STARD8: variants seen among roughly 807,000 people sequenced by gnomAD.
STARD8 encodes stAR-related lipid transfer protein 8.
In STARD8, 25 loss-of-function variants were observed where a neutral mutation model predicts 69.4. The observed-to-expected ratio is 0.36, with a 90% confidence interval of 0.26 to 0.50. The LOEUF is 0.50. Ranked by LOEUF, STARD8 falls within the 20% of genes least tolerant of loss-of-function variation. STARD8 has a pLI of 0.96. For missense variants in STARD8, 921 were observed against 932.5 expected (o/e 0.99, Z 0.16); for synonymous variants, 389 against 374.6 (o/e 1.04, Z -0.45).
At chrX:68,653,516 C>T (rs1278244713) in intron 1 of STARD8, among the ~76,000 whole-genome samples, 8 of 32,355 alleles carry the variant, frequency 2.5e-4, no homozygotes, top group Non-Finnish European at 4.8e-4. Flanking sequence ...ATACACACCA[C>T]ACACACCACA....
intron 2 of STARD8, among the ~76,000 whole-genome samples, chrX:68,676,833 T>C (rs2079768353): frequency 8.9e-6 from 1 of 111,859 alleles, no homozygotes. Context: ...TTTCCAGAAA[T>C]CTTCTATTGC....
chrX:68,698,976 G>T (rs1344241436), intron 2 of STARD8, among the ~76,000 whole-genome samples: 1 of 112,146 alleles, frequency 8.9e-6, no homozygotes, highest in Non-Finnish European at 1.9e-5. Context: ...GGCTGGGTCA[G>T]TTGGAGCTGG....
At chrX:68,708,189 A>G (rs1272464495) in intron 2 of STARD8, among the ~76,000 whole-genome samples, 1 of 112,886 alleles carries the variant, frequency 8.9e-6, no homozygotes, top group African/African-American at 3.2e-5. Flanking sequence ...TCTCCACTGT[A>G]TAAATTTGGA....
intron 2 of STARD8, among the ~76,000 whole-genome samples, chrX:68,674,430 G>C (rs1176024690): frequency 9.0e-6 from 1 of 110,929 alleles, no homozygotes; most frequent in African/African-American, 3.3e-5. Context: ...AATTCTTTCT[G>C]TTCATTGGAG....
chrX:68,720,524 G>A (rs2080139126), intron 8 of STARD8, 101 bp downstream of exon 8: 4 of 983,221 alleles, frequency 4.1e-6, no homozygotes, highest in Non-Finnish European at 5.4e-6. Flanking sequence ...AACTGCTCTG[G>A]CCTTCCCCCT....
intron 1 of STARD8, among the ~76,000 whole-genome samples, chrX:68,661,840 T>C (rs1359416786): frequency 9.1e-6 from 1 of 109,759 alleles, no homozygotes; most frequent in Non-Finnish European, 1.9e-5. Context: ...ACCTTACCAC[T>C]AACTCTGGTC....
chrX:68,664,110 G>C (rs1376137951), intron 1 of STARD8, among the ~76,000 whole-genome samples: 1 of 111,901 alleles, frequency 8.9e-6, no homozygotes, highest in African/African-American at 3.3e-5. Flanking sequence ...CACATACTAT[G>C]GCAACTATTT....
chrX:68,703,571 A>G (rs2079982851), intron 2 of STARD8, among the ~76,000 whole-genome samples: 1 of 112,204 alleles, frequency 8.9e-6, no homozygotes, highest in Non-Finnish European at 1.9e-5. Flanking sequence ...CACTTCTCTC[A>G]GGCCCATTTC....
intron 2 of STARD8, among the ~76,000 whole-genome samples, chrX:68,680,830 C>A (rs927778736): frequency 1.1e-4 from 12 of 110,819 alleles, no homozygotes; most frequent in Non-Finnish European, 1.9e-4. Context: ...CTACGTGATA[C>A]AAGGGCAAGA....
chrX:68,717,367 C>A lies in STARD8; in HGVS notation c.453C>A (p.Thr151=), dbSNP rs947543. 9 of 1,205,813 alleles carry A rather than the reference C, an allele frequency of 7.5e-6. No homozygotes were observed. The highest frequency in any genetic ancestry group is 4.4e-5 in the Admixed American group (2 of 45,446). ...PATSSCESVL[T]ELSATSLPVI... is the part of the protein sequence containing the mutation. The stretch of plus-strand genomic sequence containing the variant: ...CCTCAAGCTGTGAGAGCGTCCTCAC[C>A]GAGCTTAGTGCCACCTCTCTGCCAG... The change falls in exon 6 of 15, where the codon ACC becomes ACA. Residue 151 remains threonine (T), a synonymous_variant. Coordinates refer to ENST00000374599, the MANE Select transcript of STARD8 (RefSeq NM_001142503.3).
Position 68,717,193 on chromosome X carries a change from C to T in STARD8, c.298-19C>T. 1.7e-6 allele frequency: 2 copies of T among 1,168,455 alleles called. No individual in the cohort carries two copies. Among genetic ancestry groups the T allele is most frequent in the African/African-American group, 1.8e-5 (1 of 56,684 alleles). ...GTGGCCTGGGCTTCTCTGACCTGAT[C>T]CTGCAGTGCCTTTCCCAGAATGAAG... is the stretch of plus-strand genomic sequence containing the variant. On this transcript the variant is annotated intron_variant, in intron 5 of 14. Transcript: ENST00000374599.
In STARD8 at chrX:68,718,254, C is replaced by T. The variant is rs767172637; in HGVS notation, c.1340C>T (p.Pro447Leu). 3.1e-5 allele frequency: 37 copies of T among 1,209,322 alleles called. No homozygotes were observed. The highest frequency in any genetic ancestry group is 4.4e-5 in the Admixed American group (2 of 45,804). Residue 447 changes from proline (P) to leucine (L), a missense_variant, in exon 6 of 15, where the codon CCG (proline) becomes CTG (leucine). Pro to Leu is a moderately conservative substitution (Grantham distance 98, BLOSUM62 -3). Coordinates refer to ENST00000374599, the MANE Select transcript of STARD8 (RefSeq NM_001142503.3). ...QAEALSQMEVPAHGESPAWAQ... is the reference protein window; with the variant it reads ...QAEALSQMEVLAHGESPAWAQ... The stretch of plus-strand genomic sequence containing the variant: ...GAGGCTCTCAGCCAGATGGAGGTTC[C>T]GGCCCATGGAGAGTCCCCAGCCTGG...
chrX:68,668,256 TTCTTTCTTTCTTTCTTTC>T (rs1386795106), intron 2 of STARD8, among the ~76,000 whole-genome samples: 3 of 86,405 alleles, frequency 3.5e-5, no homozygotes, highest in South Asian at 5.3e-4. Flanking sequence ...CTTTCTTTCT[TTCTTTCTTTCTTTCTTTC>T]TCTTTCTTTC....
At chrX:68,650,638 G>GA (rs986032022) in intron 1 of STARD8, among the ~76,000 whole-genome samples, 76 of 109,041 alleles carry the variant, frequency 7.0e-4, no homozygotes, top group Middle Eastern at 4.7e-3. Context: ...TGTGTCTCTA[G>GA]AAAAAAAAAT....
chrX:68,667,890 A>G (rs745383286), intron 2 of STARD8, among the ~76,000 whole-genome samples: 1 of 111,149 alleles, frequency 9.0e-6, no homozygotes, highest in Non-Finnish European at 1.9e-5. Context: ...TCATCTGTAC[A>G]TTGAGCCTGC....
chrX:68,702,826 C>T (rs1244018760), intron 2 of STARD8, among the ~76,000 whole-genome samples: 1 of 110,963 alleles, frequency 9.0e-6, no homozygotes, highest in African/African-American at 3.3e-5. Flanking sequence ...AAAGAAATGT[C>T]TGGGATATAA....
At chrX:68,653,336 C>T in intron 1 of STARD8, among the ~76,000 whole-genome samples, 1 of 56,461 alleles carries the variant, frequency 1.8e-5, no homozygotes, top group Non-Finnish European at 3.4e-5. Flanking sequence ...ACACACCCCA[C>T]ACACCACACA....
intron 2 of STARD8, among the ~76,000 whole-genome samples, chrX:68,700,435 C>T: frequency 8.9e-6 from 1 of 112,546 alleles, no homozygotes; most frequent in Non-Finnish European, 1.9e-5. Flanking sequence ...CACCCAGCAG[C>T]CATGGCAGCC....
intron 3 of STARD8, among the ~76,000 whole-genome samples, chrX:68,713,328 C>T (rs1432824282): frequency 8.9e-6 from 1 of 112,631 alleles, no homozygotes; most frequent in Non-Finnish European, 1.9e-5. Flanking sequence ...GTGGCCCAGG[C>T]TTGGCCTCAC....
Sources: allele counts gnomAD v4.1 joint callset (sites outside exome capture counted in the v4.1 genomes callset), GRCh38; gene constraint gnomAD v4.1.1; transcripts MANE v1.5; gene names NCBI Gene and HGNC (gene_info 2026-07-23, HGNC 2026-07-21).